The following NUFIP1 variants were observed in gnomAD, a reference collection of about 807,000 sequenced individuals.
NUFIP1 encodes the protein FMR1-interacting protein NUFIP1.
A neutral mutation model predicts 56.2 loss-of-function variants in NUFIP1; 38 were observed. That is an observed-to-expected ratio of 0.68 (90% CI 0.52 to 0.89). The LOEUF is 0.89. NUFIP1 is among the 40% of genes least tolerant of loss of function. The pLI is 0.00. For synonymous variants in NUFIP1, 215 were observed against 212.4 expected (o/e 1.01, Z -0.10); for missense variants, 567 against 605.8 (o/e 0.94, Z 0.67).
intron 7 of NUFIP1, among the ~76,000 whole-genome samples, chr13:44,953,535 A>C (rs1871141593): frequency 6.6e-6 from 1 of 152,096 alleles, no homozygotes; most frequent in Non-Finnish European, 1.5e-5. Flanking sequence ...ATGGGTATTT[A>C]TTCTATTCTG....
rs117150050 is a variant in NUFIP1 at position 44,954,193 on chromosome 13, T to C, written c.1022-4355A>G. ...TCTTTCTAAACTGAAAATACCAGCA[T>C]AGAGATAGCAGCAATTGATCTGACA... On this transcript the variant is annotated intron_variant, in intron 7 of 9. Transcript: ENST00000379161. Among the ~76,000 whole-genome samples, 1,268 of 152,280 alleles carry C rather than the reference T, an allele frequency of 8.3e-3. 7 individuals carry two copies. The highest frequency in any genetic ancestry group is 0.014 in the Non-Finnish European group (923 of 68,008).
Position 44,979,927 on chromosome 13 carries a change from G to C in NUFIP1, c.620C>G (p.Thr207Ser). 6.2e-7 allele frequency: 1 copy of C among 1,602,810 alleles called. No individual in the cohort carries two copies. The highest frequency in any genetic ancestry group is 1.1e-5 in the South Asian group (1 of 87,658). Residue 207 changes from threonine (T) to serine (S), a missense_variant, in exon 4 of 10, where the codon ACT (threonine) becomes AGT (serine). By Grantham distance (58) the Thr-to-Ser change is moderately conservative. Coordinates refer to ENST00000379161, the MANE Select transcript of NUFIP1 (RefSeq NM_012345.3). ...TKCPELDCSF[T>S]AHEKIVQFHW... ...GAACTGGACAATCTTCTCGTGTGCA[G>C]TAAAAGAGCAATCTAATTCAGGGCA...
At chr13:44,973,161 G>A (rs138325857) in intron 5 of NUFIP1, among the ~76,000 whole-genome samples, 65 of 152,086 alleles carry the variant, frequency 4.3e-4, no homozygotes, top group African/African-American at 1.2e-3. Context: ...ATTTATTCAC[G>A]AAACCACAAG....
In NUFIP1 at chr13:44,943,663, T is replaced by C. The variant is rs1870823349; in HGVS notation, c.1150A>G (p.Lys384Glu). 6.2e-7 allele frequency: 1 copy of C among 1,609,414 alleles called. No individual in the cohort carries two copies. Among genetic ancestry groups the C allele is most frequent in the Admixed American group, 1.7e-5 (1 of 59,142 alleles). The change falls in exon 9 of 10, where the codon AAG becomes GAG. Residue 384 changes from lysine (K) to glutamate (E), a missense_variant. Transcript: ENST00000379161. The part of the protein sequence containing the change: ...SESEPEETPI[K>E]TEADVLAENQ... ...TCTGCCAAAACGTCTGCTTCAGTCT[T>C]GATGGGAGTTTCTAAGTGTGATGAA...
In NUFIP1 at chr13:44,989,234, G is replaced by A; in HGVS notation, c.203C>T (p.Pro68Leu). 1 of 1,612,620 alleles carries A rather than the reference G, an allele frequency of 6.2e-7. No individual in the cohort carries two copies. Among genetic ancestry groups the A allele is most frequent in the South Asian group, 1.1e-5 (1 of 90,884 alleles). Residue 68 changes from proline to leucine, a missense_variant, in exon 1 of 10, where the codon CCC (proline) becomes CTC (leucine). Transcript: ENST00000379161. ...GSKPSSESQP[P>L]MEAQSLPGAP... ...CCCGGGGAGAGACTGGGCCTCCATG[G>A]GGGGCTGCGACTCAGAGGAAGGCTT...
intron 7 of NUFIP1, among the ~76,000 whole-genome samples, chr13:44,954,026 A>G (rs1353605837): frequency 6.8e-6 from 1 of 146,056 alleles, no homozygotes; most frequent in East Asian, 1.9e-4. Context: ...AAAGAAAGAA[A>G]GAAAGAAAAG....
Position 44,980,828 on chromosome 13 carries a change from C to G in NUFIP1, c.496-8G>C. 6.4e-7 allele frequency: 1 copy of G among 1,566,298 alleles called. No individual in the cohort carries two copies. The highest frequency in any genetic ancestry group is 8.7e-7 in the Non-Finnish European group (1 of 1,155,556). On this transcript the variant is annotated splice_region_variant and splice_polypyrimidine_tract_variant and intron_variant, in intron 2 of 9. Transcript: ENST00000379161. ...AACTGGTTCCTTTCTTTTCTGCAAA[C>G]AAAAACAGAGAGGAATTAGGCTTTT...
At chr13:44,982,404 G>A (rs532033125) in intron 1 of NUFIP1, among the ~76,000 whole-genome samples, 10 of 152,132 alleles carry the variant, frequency 6.6e-5, no homozygotes, top group Non-Finnish European at 1.5e-4. Flanking sequence ...TGCAGAAATG[G>A]ACAACCTAAC....
At chr13:44,982,894 G>T (rs1872243374) in intron 1 of NUFIP1, among the ~76,000 whole-genome samples, 1 of 152,136 alleles carries the variant, frequency 6.6e-6, no homozygotes, top group African/African-American at 2.4e-5. Context: ...TGTAGTCCTA[G>T]CTACTGTGGA....
chr13:44,960,945 C>T (rs1326101558), intron 6 of NUFIP1, among the ~76,000 whole-genome samples: 2 of 150,954 alleles, frequency 1.3e-5, no homozygotes, highest in African/African-American at 4.9e-5. Context: ...CCCAGCTCCT[C>T]GGGAGGCTGA....
chr13:44,944,001 A>G (rs1410606377), intron 8 of NUFIP1, among the ~76,000 whole-genome samples: 1 of 152,202 alleles, frequency 6.6e-6, no homozygotes, highest in East Asian at 1.9e-4. Context: ...AATAAATATA[A>G]AAGACTTTTT....
chr13:44,959,633 T>TA, intron 6 of NUFIP1, 59 bp from the exon 7 acceptor site: 1 of 1,415,062 alleles, frequency 7.1e-7, no homozygotes, highest in Non-Finnish European at 9.7e-7. Flanking sequence ...AAGAAAATTT[T>TA]GAAAAAGACT....
chr13:44,982,847 A>T (rs1347022952), intron 1 of NUFIP1, among the ~76,000 whole-genome samples: 2 of 152,094 alleles, frequency 1.3e-5, no homozygotes, highest in Non-Finnish European at 2.9e-5. Context: ...TCTCTACAAA[A>T]AAATTTAAAA....
At position 44,979,285 on chromosome 13, in the gene NUFIP1, C is replaced by A; in HGVS notation, c.658-19G>T. The A allele has an allele frequency of 6.2e-7, 1 of 1,602,448 alleles. No homozygotes were observed. The highest frequency in any genetic ancestry group is 8.5e-7 in the Non-Finnish European group (1 of 1,173,754). On this transcript the variant is annotated intron_variant, in intron 4 of 9. Transcript: ENST00000379161. ...CATGCATCTAGGGGGAAAAAGCCTG[C>A]TGAACATCAGGAGGCAATATCATAT...
intron 5 of NUFIP1, among the ~76,000 whole-genome samples, chr13:44,972,481 G>C (rs918406262): frequency 1.3e-5 from 2 of 152,192 alleles, no homozygotes; most frequent in African/African-American, 2.4e-5. Flanking sequence ...TAAATCAGTG[G>C]TTGCCAGTGG....
Position 44,940,996 on chromosome 13 carries a change from CAACAA to C in NUFIP1, c.*205_*209del. 1 of 401,554 alleles carries C rather than the reference CAACAA, an allele frequency of 2.5e-6. No individual in the cohort carries two copies. The highest frequency in any genetic ancestry group is 4.4e-6 in the Non-Finnish European group (1 of 225,754). The allele number at this position is 401,554 out of a possible 1,614,324, so 24.9% of individuals were successfully genotyped here. ...TCCCAGCAAATACTAGATTCAATCC[CAACAA>C]TACAGACACAGTCTTAAAAAATCAG... On this transcript the variant is annotated 3_prime_UTR_variant, in exon 10 of 10. Coordinates refer to ENST00000379161, the MANE Select transcript of NUFIP1 (RefSeq NM_012345.3).
In NUFIP1 at chr13:44,963,870, G is replaced by C. The variant is rs796207333; in HGVS notation, c.827+1974C>G. 3.9e-5 allele frequency among the ~76,000 whole-genome samples: 6 copies of C among 152,240 alleles called. 1 individual carries two copies. Among genetic ancestry groups the C allele is most frequent in the African/African-American group, 1.4e-4 (6 of 41,550 alleles). ...ACACATACAGATTTAGAATTGGTAT[G>C]TCTTCTTGTTGTTGCACTGACTCTT... On this transcript the variant is annotated intron_variant, in intron 6 of 9. Transcript: ENST00000379161.
At chr13:44,972,463 A>ATAAAT (rs1443154383) in intron 5 of NUFIP1, among the ~76,000 whole-genome samples, 6 of 152,234 alleles carry the variant, frequency 3.9e-5, no homozygotes, top group African/African-American at 1.4e-4. Flanking sequence ...GAATATAAGA[A>ATAAAT]CAAAAAATAA....
intron 9 of NUFIP1, among the ~76,000 whole-genome samples, chr13:44,942,890 C>T (rs1870789054): frequency 6.6e-6 from 1 of 150,928 alleles, no homozygotes; most frequent in Non-Finnish European, 1.5e-5. Context: ...CACTTGAGCC[C>T]AGGAATTCGA....
Sources: allele counts gnomAD v4.1 joint callset (sites outside exome capture counted in the v4.1 genomes callset), GRCh38; gene constraint gnomAD v4.1.1; transcripts MANE v1.5; gene names NCBI Gene and HGNC (gene_info 2026-07-23, HGNC 2026-07-21).